Variants in SPRED1 observed in about 807,000 individuals in gnomAD.
The protein encoded by SPRED1 is sprouty-related, EVH1 domain-containing protein 1.
In SPRED1, 18 loss-of-function variants were observed where a neutral mutation model predicts 52.3. That is an observed-to-expected ratio of 0.34 (90% CI 0.24 to 0.51). The LOEUF is 0.51. Among genes scored for constraint, SPRED1 ranks in the 20% least tolerant of loss-of-function variants. SPRED1 has a pLI of 0.97. For synonymous variants in SPRED1, 155 were observed against 179.7 expected, an observed-to-expected ratio of 0.86 and a Z score of 1.10; for missense variants, 485 against 551.0, an observed-to-expected ratio of 0.88 and a Z score of 1.20.
intron 5 of SPRED1, among the ~76,000 whole-genome samples, chr15:38,344,862 A>G (rs1896099870): frequency 6.6e-6 from 1 of 152,232 alleles, no homozygotes; most frequent in Non-Finnish European, 1.5e-5. Context: ...GTTATATTAT[A>G]TGAATTGCAT....
chr15:38,272,939 C>G (rs2140957996), intron 1 of SPRED1, among the ~76,000 whole-genome samples: 1 of 152,140 alleles, frequency 6.6e-6, no homozygotes, highest in South Asian at 2.1e-4. Flanking sequence ...GATATTATGT[C>G]TTTGTTGGAT....
At chr15:38,288,225 A>G (rs933691723) in intron 1 of SPRED1, among the ~76,000 whole-genome samples, 14 of 152,206 alleles carry the variant, frequency 9.2e-5, no homozygotes, top group Admixed American at 6.5e-4. Context: ...AGAGGAAGGT[A>G]GAGGAAGGTA....
At position 38,351,243 on chromosome 15, in the gene SPRED1, C is replaced by A; in HGVS notation, c.914C>A (p.Pro305His). 6.2e-7 allele frequency: 1 copy of A among 1,613,948 alleles called. No homozygotes were observed. Among genetic ancestry groups the A allele is most frequent in the African/African-American group, 1.3e-5 (1 of 74,986 alleles). Residue 305 changes from proline to histidine, a missense_variant, in exon 7 of 7, where the codon CCC (proline) becomes CAC (histidine). This residue lies in a region of SPRED1 where 205 missense variants were observed against 245.2 expected (regional missense o/e 0.84). Coordinates refer to ENST00000299084, the MANE Select transcript of SPRED1 (RefSeq NM_152594.3). ...SCGDETKLSS[P>H]KDSVVFKTQP... ...GGGGATGAGACTAAGTTAAGTTCAC[C>A]CAAAGACTCTGTGGTATTTAAGACG...
At chr15:38,336,439 ATTATATATATGTTATATATATAATATT>A (rs1566871756) in intron 4 of SPRED1, among the ~76,000 whole-genome samples, 1 of 33,386 alleles carries the variant, frequency 3.0e-5, no homozygotes, top group African/African-American at 5.7e-5. Context: ...TATATATAAT[ATTATATATATGTTATATATATAATATT>A]TTATATATAT....
chr15:38,295,383 C>A (rs529831993), intron 1 of SPRED1, among the ~76,000 whole-genome samples: 2 of 152,252 alleles, frequency 1.3e-5, no homozygotes, highest in Admixed American at 1.3e-4. Context: ...TGCTGTACAG[C>A]ATGTTGTTGT....
chr15:38,314,186 G>A (rs1231562245), intron 2 of SPRED1, among the ~76,000 whole-genome samples: 4 of 151,728 alleles, frequency 2.6e-5, no homozygotes, highest in African/African-American at 9.7e-5. Flanking sequence ...TTCTGCATGT[G>A]TCCCATAGGT....
intron 5 of SPRED1, among the ~76,000 whole-genome samples, chr15:38,347,987 A>AT (rs1334168299): frequency 2.0e-5 from 3 of 152,058 alleles, no homozygotes; most frequent in Non-Finnish European, 2.9e-5. Flanking sequence ...ACTAATATTC[A>AT]TAGACCCTGT....
chr15:38,313,253 T>C (rs1051672714), intron 2 of SPRED1, among the ~76,000 whole-genome samples: 2 of 152,046 alleles, frequency 1.3e-5, no homozygotes, highest in Non-Finnish European at 2.9e-5. Context: ...TATGACAATT[T>C]TGTTTCTTCA....
At chr15:38,314,306 A>G (rs1409366207) in intron 2 of SPRED1, among the ~76,000 whole-genome samples, 4 of 151,824 alleles carry the variant, frequency 2.6e-5, no homozygotes, top group Non-Finnish European at 5.9e-5. Flanking sequence ...CTGATTATAG[A>G]TTTGTCAAGT....
intron 1 of SPRED1, among the ~76,000 whole-genome samples, chr15:38,255,052 G>A (rs1011889384): frequency 6.6e-6 from 1 of 152,120 alleles, no homozygotes. Context: ...AATAAAAAAA[G>A]CAGATGATGG....
chr15:38,279,949 A>T (rs1011369080), intron 1 of SPRED1, among the ~76,000 whole-genome samples: 12 of 152,120 alleles, frequency 7.9e-5, no homozygotes, highest in African/African-American at 2.9e-4. Flanking sequence ...AATTTTATAG[A>T]TGAGGGTGCT....
chr15:38,339,860 G>T lies in SPRED1; in HGVS notation c.547G>T (p.Ala183Ser). ...ACCTTCTCCCTTTGAAGATCTGAATGCCAGAAGAGTCTACATGCAAAGCCA... is the reference window on the plus strand; with the variant it reads ...ACCTTCTCCCTTTGAAGATCTGAATTCCAGAAGAGTCTACATGCAAAGCCA... ...IRPSPFEDLN[A>S]RRVYMQSQAN... Residue 183 changes from alanine to serine, a missense_variant, in exon 5 of 7, where the codon GCC becomes TCC. Physicochemically the swap from Ala to Ser is moderately conservative, Grantham distance 99. Transcript: ENST00000299084. 6.2e-7 allele frequency: 1 copy of T among 1,613,920 alleles called. No homozygotes were observed.
At position 38,286,462 on chromosome 15, in the gene SPRED1, A is replaced by G. The variant is rs559914035; in HGVS notation, c.33-12911A>G. On this transcript the variant is annotated intron_variant, in intron 1 of 6. Coordinates refer to ENST00000299084, the MANE Select transcript of SPRED1 (RefSeq NM_152594.3). ...TTGTATCTTCTAAGTAAGCAGTCAC[A>G]TAATCTGCAAACAAGAATAATTTTT... is the stretch of plus-strand genomic sequence containing the variant. 2.6e-5 allele frequency among the ~76,000 whole-genome samples: 4 copies of G among 151,756 alleles called. No individual in the cohort carries two copies. The East Asian group carries it at 7.8e-4, about 29-fold the overall frequency.
chr15:38,259,008 T>C (rs551671589), intron 1 of SPRED1, among the ~76,000 whole-genome samples: 1 of 152,306 alleles, frequency 6.6e-6, no homozygotes, highest in Admixed American at 6.5e-5. Context: ...TGCCCTTCCT[T>C]TGTTGATGGT....
intron 1 of SPRED1, among the ~76,000 whole-genome samples, chr15:38,279,348 C>T (rs995565463): frequency 1.3e-5 from 2 of 152,156 alleles, no homozygotes; most frequent in Non-Finnish European, 2.9e-5. Flanking sequence ...GAGTCAAAGG[C>T]CATGATTTAT....
At chr15:38,304,235 AC>A (rs1004971978) in intron 2 of SPRED1, among the ~76,000 whole-genome samples, 7 of 152,290 alleles carry the variant, frequency 4.6e-5, no homozygotes, top group Admixed American at 3.9e-4. Flanking sequence ...CTTGGGTTGA[AC>A]TTTATCGAAG....
intron 1 of SPRED1, among the ~76,000 whole-genome samples, chr15:38,266,853 T>C (rs552927706): frequency 1.8e-4 from 28 of 152,138 alleles, no homozygotes; most frequent in Middle Eastern, 6.8e-3. Flanking sequence ...AAAAAAATTA[T>C]TGGATGTTGT....
chr15:38,338,176 A>AC (rs997189352), intron 4 of SPRED1, among the ~76,000 whole-genome samples: 6 of 151,114 alleles, frequency 4.0e-5, no homozygotes, highest in African/African-American at 1.5e-4. Flanking sequence ...GCATCACTGC[A>AC]CTCCAGCCTG....
At chr15:38,276,276 T>C (rs975361102) in intron 1 of SPRED1, among the ~76,000 whole-genome samples, 98 of 151,316 alleles carry the variant, frequency 6.5e-4, no homozygotes, top group African/African-American at 2.3e-3. Context: ...TAGAGGTAGG[T>C]GTATAACAAT....
Sources: gnomAD v4.1 joint callset for allele counts (sites outside exome capture counted in the v4.1 genomes callset) on GRCh38, gnomAD v4.1.1 for gene constraint, gnomAD v4.1.1 regional missense constraint, MANE v1.5 for transcripts, NCBI Gene and HGNC (gene_info 2026-07-23, HGNC 2026-07-21) for gene names.